The following DTWD2 variants were observed in gnomAD, a reference collection of about 807,000 sequenced individuals.
DTWD2 encodes the protein DTW motif tRNA-uridine aminocarboxypropyltransferase 2, also known as tRNA-uridine aminocarboxypropyltransferase 2.
A neutral mutation model predicts 31.8 loss-of-function variants in DTWD2; 39 were observed. The observed-to-expected ratio is 1.22, with a 90% CI of 0.95 to 1.60. DTWD2 has a LOEUF of 1.60. DTWD2 is among the 40% of genes most tolerant of loss of function. The pLI, the probability that DTWD2 is intolerant of heterozygous loss-of-function variation, is 0.00. For missense variants in DTWD2, 515 were observed against 381.5 expected (o/e 1.35, Z -2.92); for synonymous variants, 180 against 142.8 (o/e 1.26, Z -1.86).
intron 4 of DTWD2, among the ~76,000 whole-genome samples, chr5:118,910,645 C>T (rs1753438777): frequency 6.6e-6 from 1 of 152,178 alleles, no homozygotes; most frequent in Admixed American, 6.5e-5. Flanking sequence ...CAGTTCCGAA[C>T]CTGCCTCCAC....
At chr5:118,979,016 A>G (rs1755228697) in intron 1 of DTWD2, among the ~76,000 whole-genome samples, 1 of 151,670 alleles carries the variant, frequency 6.6e-6, no homozygotes, top group African/African-American at 2.4e-5. Context: ...AAAAAATAAA[A>G]AATAGAGGCC....
chr5:118,907,298 T>C lies in DTWD2; in HGVS notation c.597+21239A>G, dbSNP rs1753354292. ...AACATTTCAAGTGGTTATTTTAGAC[T>C]TGTATTAGTCAGGGTTCTCCCCAGA... On this transcript the variant is annotated intron_variant, in intron 4 of 5. Coordinates refer to ENST00000510708, the MANE Select transcript of DTWD2 (RefSeq NM_173666.4). Among the ~76,000 whole-genome samples the C allele has an allele frequency of 1.3e-5, 2 of 152,204 alleles. 1 individual carries two copies. The highest frequency in any genetic ancestry group is 4.1e-4 in the South Asian group (2 of 4,836).
At chr5:118,945,361 T>C (rs866442771) in intron 1 of DTWD2, among the ~76,000 whole-genome samples, 5 of 152,224 alleles carry the variant, frequency 3.3e-5, no homozygotes, top group African/African-American at 1.2e-4. Context: ...CAGTATTCTC[T>C]TCCTTTAGGG....
chr5:118,883,950 T>A (rs1377087155), intron 4 of DTWD2, among the ~76,000 whole-genome samples: 4 of 152,216 alleles, frequency 2.6e-5, no homozygotes, highest in Non-Finnish European at 4.4e-5. Flanking sequence ...CTGTAAGTAA[T>A]GAGCAGAAGA....
intron 4 of DTWD2, among the ~76,000 whole-genome samples, chr5:118,855,146 G>C (rs1264498622): frequency 1.3e-5 from 2 of 149,360 alleles, no homozygotes; most frequent in African/African-American, 4.9e-5. Flanking sequence ...CAGCCTGGAT[G>C]ACAGAGCAAA....
chr5:118,850,365 C>T (rs1751970092), intron 4 of DTWD2, among the ~76,000 whole-genome samples: 1 of 145,430 alleles, frequency 6.9e-6, no homozygotes, highest in Non-Finnish European at 1.5e-5. Flanking sequence ...ATAATCCCAG[C>T]TACTTGGGAG....
At position 118,875,780 on chromosome 5, in the gene DTWD2, CCA is replaced by C. The variant is rs529154702; in HGVS notation, c.598-27564_598-27563del. 2.1e-3 allele frequency among the ~76,000 whole-genome samples: 317 copies of C among 152,178 alleles called. 2 individuals are homozygous for C. The highest frequency in any genetic ancestry group is 7.1e-3 in the African/African-American group (293 of 41,512). Reference sequence around the variant, plus strand: ...CAATAATAGTGGAGACTTTAACACCCCACGGACAATCTTACACAGATCAAGAC... The same window carrying C: ...CAATAATAGTGGAGACTTTAACACCCCGGACAATCTTACACAGATCAAGAC... On this transcript the variant is annotated intron_variant, in intron 4 of 5. Coordinates refer to ENST00000510708, the MANE Select transcript of DTWD2 (RefSeq NM_173666.4).
In DTWD2 at chr5:118,850,235, TGG is replaced by T; in HGVS notation, c.598-2019_598-2018del. ...TCCCAGCACTTTGGGAGGCCGAGGC[TGG>T]CAGATCACTTGAGGCCAGGAGTTTG... is the stretch of plus-strand genomic sequence containing the variant. On this transcript the variant is annotated intron_variant, in intron 4 of 5. Transcript: ENST00000510708. Among the ~76,000 whole-genome samples, 3 of 139,764 alleles carry T rather than the reference TGG, an allele frequency of 2.1e-5. No individual in the cohort carries two copies. In the East Asian group the frequency reaches 6.5e-4, roughly 30 times the overall value. The allele number at this position is 139,764 out of a possible 152,430, so 91.7% of individuals were successfully genotyped here. A position where few individuals can be genotyped will look rare whatever the true frequency, so the allele number is the denominator to read the frequency against.
intron 3 of DTWD2, among the ~76,000 whole-genome samples, chr5:118,931,724 A>G (rs1049008920): frequency 6.8e-6 from 1 of 146,344 alleles, no homozygotes; most frequent in African/African-American, 2.4e-5. Context: ...CCTGAACAGC[A>G]TTATCAATCA....
At chr5:118,901,442 T>C (rs1298954011) in intron 4 of DTWD2, among the ~76,000 whole-genome samples, 2 of 152,222 alleles carry the variant, frequency 1.3e-5, no homozygotes, top group African/African-American at 4.8e-5. Context: ...TGATCTTCTC[T>C]ACTGAAAATC....
At chr5:118,892,047 G>T (rs1473925318) in intron 4 of DTWD2, among the ~76,000 whole-genome samples, 1 of 151,960 alleles carries the variant, frequency 6.6e-6, no homozygotes, top group Non-Finnish European at 1.5e-5. Context: ...TAACCTAACA[G>T]ATCCAAAATA....
At chr5:118,868,285 C>T (rs1035816678) in intron 4 of DTWD2, among the ~76,000 whole-genome samples, 1 of 151,612 alleles carries the variant, frequency 6.6e-6, no homozygotes, top group African/African-American at 2.4e-5. Context: ...ACGGACTAAA[C>T]CATAAGTGCT....
At chr5:118,846,125 T>C (rs1211460308) in intron 5 of DTWD2, among the ~76,000 whole-genome samples, 1 of 152,158 alleles carries the variant, frequency 6.6e-6, no homozygotes, top group Admixed American at 6.6e-5. Context: ...ATTTGTAAAA[T>C]AAAGCCTGAA....
At chr5:118,964,548 TCCTGCCTCAG>T (rs1274712953) in intron 1 of DTWD2, among the ~76,000 whole-genome samples, 2 of 151,626 alleles carry the variant, frequency 1.3e-5, no homozygotes, top group Non-Finnish European at 2.9e-5. Context: ...TGCCTGATGC[TCCTGCCTCAG>T]CCTGCCGAAT....
chr5:118,848,287 A>C (rs1751909164), intron 4 of DTWD2, 69 bp from the exon 5 acceptor site: 6 of 1,396,174 alleles, frequency 4.3e-6, no homozygotes, highest in Non-Finnish European at 5.7e-6. Flanking sequence ...TGTGTTTTAA[A>C]TACTAATTAC....
At chr5:118,851,172 T>G (rs1036595590) in intron 4 of DTWD2, among the ~76,000 whole-genome samples, 1 of 136,562 alleles carries the variant, frequency 7.3e-6, no homozygotes, top group Non-Finnish European at 1.5e-5. Context: ...TGAGCCAAGA[T>G]CATGCCACTG....
intron 3 of DTWD2, among the ~76,000 whole-genome samples, chr5:118,936,371 T>A (rs1226356880): frequency 1.3e-5 from 2 of 151,918 alleles, no homozygotes; most frequent in Admixed American, 1.3e-4. Context: ...AGACCCTGTC[T>A]CTACAAAAGA....
chr5:118,961,449 T>G (rs1754704475), intron 1 of DTWD2, among the ~76,000 whole-genome samples: 1 of 152,228 alleles, frequency 6.6e-6, no homozygotes, highest in East Asian at 1.9e-4. Flanking sequence ...ATTCACTATA[T>G]GTTCTAAAGG....
intron 4 of DTWD2, among the ~76,000 whole-genome samples, chr5:118,862,929 T>C (rs1224166944): frequency 6.6e-6 from 1 of 152,180 alleles, no homozygotes; most frequent in Non-Finnish European, 1.5e-5. Context: ...GAGAGAGAGA[T>C]GTTGAAAAGG....
Sources: gnomAD v4.1 joint callset for allele counts (sites outside exome capture counted in the v4.1 genomes callset) on GRCh38, gnomAD v4.1.1 for gene constraint, MANE v1.5 for transcripts, NCBI Gene and HGNC (gene_info 2026-07-23, HGNC 2026-07-21) for gene names.